ASXL2: variants seen among roughly 807,000 people sequenced by gnomAD.
ASXL2 encodes ASXL transcriptional regulator 2.
A neutral mutation model predicts 122.0 loss-of-function variants in ASXL2; 23 were observed. The observed-to-expected ratio is 0.19, with a 90% CI of 0.14 to 0.27. The LOEUF is 0.27. Ranked by LOEUF, ASXL2 falls within the 10% of genes least tolerant of loss-of-function variation. The pLI is 1.00. For missense variants in ASXL2, 1,518 were observed against 1,713.8 expected, an observed-to-expected ratio of 0.89 and a Z score of 2.02; for synonymous variants, 650 against 637.0, an observed-to-expected ratio of 1.02 and a Z score of -0.31.
chr2:25,746,191 G>A (rs1173968947), intron 12 of ASXL2, among the ~76,000 whole-genome samples: 1 of 151,896 alleles, frequency 6.6e-6, no homozygotes, highest in African/African-American at 2.4e-5. Context: ...TTTAAATTAA[G>A]AATAATAAAG....
Position 25,734,778 on chromosome 2 carries a change from TCA to T in ASXL2, c.*7249_*7250del, listed in dbSNP as rs2087708496. ...GATTAGTGGCAAAAGCCACCACAGT[TCA>T]ATAGAAAACTATTCCTTATCCCACA... On this transcript the variant is annotated 3_prime_UTR_variant, in exon 13 of 13. Coordinates refer to ENST00000435504, the MANE Select transcript of ASXL2 (RefSeq NM_018263.6). The T allele has an allele frequency of 6.6e-6, 1 of 152,178 alleles. No homozygotes were observed. Among genetic ancestry groups the T allele is most frequent in the Admixed American group, 6.5e-5 (1 of 15,268 alleles). 9.4% of individuals were successfully genotyped at this position (152,178 alleles called of 1,614,324 possible).
chr2:25,770,477 A>G (rs1039706379), intron 6 of ASXL2, among the ~76,000 whole-genome samples: 2 of 152,198 alleles, frequency 1.3e-5, no homozygotes, highest in African/African-American at 4.8e-5. Context: ...AATCTAGGCC[A>G]GGTGCGGTGG....
rs2087803601 is a variant in ASXL2 at position 25,740,143 on chromosome 2, C to T, written c.*1886G>A. ...CATATCGTTCTGGCTGAAGCTGGAA[C>T]ACAGATATTAATCCTATATTGGCCT... On this transcript the variant is annotated 3_prime_UTR_variant, in exon 13 of 13. Transcript: ENST00000435504. 4.5e-6 allele frequency: 1 copy of T among 223,426 alleles called. No individual in the cohort carries two copies. The highest frequency in any genetic ancestry group is 2.2e-5 in the African/African-American group (1 of 44,812). 13.8% of individuals were successfully genotyped at this position (223,426 alleles called of 1,614,324 possible).
chr2:25,780,232 T>C (rs2088611210), intron 5 of ASXL2: 1 of 152,196 alleles, frequency 6.6e-6, no homozygotes, highest in Admixed American at 6.5e-5. Flanking sequence ...TTTTTTTTTT[T>C]TAAGACAAGG....
At chr2:25,848,384 A>G (rs559109776) in intron 1 of ASXL2, among the ~76,000 whole-genome samples, 1 of 152,248 alleles carries the variant, frequency 6.6e-6, no homozygotes, top group East Asian at 1.9e-4. Flanking sequence ...GCACTTTGGG[A>G]GGCCGAGATA....
At chr2:25,868,856 G>A (rs942233730) in intron 1 of ASXL2, among the ~76,000 whole-genome samples, 2 of 151,882 alleles carry the variant, frequency 1.3e-5, no homozygotes, top group Non-Finnish European at 1.5e-5. Flanking sequence ...TGCTGAAACC[G>A]CATCTCTATA....
intron 9 of ASXL2, among the ~76,000 whole-genome samples, chr2:25,757,800 G>A (rs2088163794): frequency 6.8e-6 from 1 of 147,694 alleles, no homozygotes; most frequent in Admixed American, 6.9e-5. Flanking sequence ...TCCAGATTTA[G>A]AACTTGATAA....
chr2:25,763,868 T>C (rs1265281802), intron 8 of ASXL2, among the ~76,000 whole-genome samples: 3 of 152,176 alleles, frequency 2.0e-5, no homozygotes, highest in Admixed American at 2.0e-4. Flanking sequence ...TTCAAGTCTG[T>C]TGTTCATCAC....
chr2:25,832,628 G>A (rs1357576083), intron 3 of ASXL2, among the ~76,000 whole-genome samples: 1 of 151,750 alleles, frequency 6.6e-6, no homozygotes. Flanking sequence ...ACAGTTTCAA[G>A]GTGTCTTTAA....
At chr2:25,840,502 T>G (rs1381921582) in intron 2 of ASXL2, among the ~76,000 whole-genome samples, 2 of 152,228 alleles carry the variant, frequency 1.3e-5, no homozygotes, top group African/African-American at 2.4e-5. Flanking sequence ...ACAGAAATTC[T>G]GTACTCATTT....
At chr2:25,836,105 G>A (rs2089507831) in intron 2 of ASXL2, among the ~76,000 whole-genome samples, 1 of 152,178 alleles carries the variant, frequency 6.6e-6, no homozygotes, top group South Asian at 2.1e-4. Context: ...GCAACTAACA[G>A]ATAGGGAAGA....
intron 9 of ASXL2, among the ~76,000 whole-genome samples, chr2:25,756,506 T>C (rs1178464880): frequency 1.6e-5 from 2 of 127,248 alleles, no homozygotes; most frequent in Non-Finnish European, 3.5e-5. Context: ...GGACTAAAAA[T>C]CTAAATGTAA....
intron 1 of ASXL2, among the ~76,000 whole-genome samples, chr2:25,862,857 C>T (rs900654575): frequency 3.3e-5 from 5 of 151,872 alleles, no homozygotes; most frequent in Admixed American, 6.6e-5. Flanking sequence ...CCACCTGCCT[C>T]GGCCTCCCAA....
At position 25,743,649 on chromosome 2, in the gene ASXL2, TA is replaced by T; in HGVS notation, c.2687del (p.Leu896Ter). On this transcript the variant is annotated frameshift_variant, in exon 13 of 13. Transcript: ENST00000435504. LOFTEE classifies it high-confidence loss of function. Reference sequence around the variant, plus strand: ...TGACCTGGGGTACAGGAAGCTTTTCTAAAGTGGCTGTGGTCAATAAAGATGT... The same window carrying T: ...TGACCTGGGGTACAGGAAGCTTTTCTAAGTGGCTGTGGTCAATAAAGATGT... ...PLTSLLTTAT[L>X]EKLPVPQVSA... 6.2e-7 allele frequency: 1 copy of T among 1,614,036 alleles called. No individual in the cohort carries two copies. Among genetic ancestry groups the T allele is most frequent in the Non-Finnish European group, 8.5e-7 (1 of 1,179,894 alleles).
intron 3 of ASXL2, among the ~76,000 whole-genome samples, chr2:25,813,689 T>C (rs748159212): frequency 1.3e-5 from 2 of 152,182 alleles, no homozygotes; most frequent in Non-Finnish European, 2.9e-5. Flanking sequence ...AAAACAGTCA[T>C]TAAAGTGAAA....
chr2:25,782,192 C>CT (rs1448090204), intron 5 of ASXL2, among the ~76,000 whole-genome samples: 1 of 151,986 alleles, frequency 6.6e-6, no homozygotes, highest in Non-Finnish European at 1.5e-5. Context: ...TTACCTAATC[C>CT]TTTCTGATTC....
chr2:25,852,913 T>A (rs1035189243), intron 1 of ASXL2, among the ~76,000 whole-genome samples: 1 of 152,142 alleles, frequency 6.6e-6, no homozygotes, highest in Non-Finnish European at 1.5e-5. Context: ...AAATCAGATG[T>A]GAGGGGATTT....
At chr2:25,799,701 C>A (rs962470344) in intron 4 of ASXL2, among the ~76,000 whole-genome samples, 166 bp from the exon 5 acceptor site, 1 of 152,108 alleles carries the variant, frequency 6.6e-6, no homozygotes, top group East Asian at 1.9e-4. Flanking sequence ...CTCTTTGAGG[C>A]AAATAAGCTA....
At chr2:25,798,503 C>T (rs1044840666) in intron 5 of ASXL2, among the ~76,000 whole-genome samples, 1 of 152,178 alleles carries the variant, frequency 6.6e-6, no homozygotes, top group African/African-American at 2.4e-5. Flanking sequence ...GTAGCTCACG[C>T]CTGTAATCCC....
Sources: allele counts gnomAD v4.1 joint callset (sites outside exome capture counted in the v4.1 genomes callset), GRCh38; gene constraint gnomAD v4.1.1; transcripts MANE v1.5; gene names NCBI Gene and HGNC (gene_info 2026-07-23, HGNC 2026-07-21).